BUD13: variants seen among roughly 807,000 people sequenced by gnomAD.
BUD13 encodes BUD13 homolog.
A neutral mutation model predicts 62.5 loss-of-function variants in BUD13; 47 were observed. That is an observed-to-expected ratio of 0.75 (90% confidence interval 0.60 to 0.96). The LOEUF is 0.96. BUD13 is among the 40% of genes least tolerant of loss of function. The probability of loss-of-function intolerance (pLI) is 0.00; values close to 1 mark genes in which losing one functional copy is unlikely to be tolerated. For synonymous variants in BUD13, 293 were observed against 280.1 expected (o/e 1.05, Z -0.46); for missense variants, 821 against 790.9 (o/e 1.04, Z -0.46).
intron 5 of BUD13, 51 bp downstream of exon 5, chr11:116,760,684 G>A: frequency 6.4e-7 from 1 of 1,554,354 alleles, no homozygotes; most frequent in Non-Finnish European, 8.9e-7. Context: ...ATATAAAGCT[G>A]AGAGAGAAGA....
rs199663593 is a variant in BUD13, at chr11:116,762,640, T to C, written c.949A>G (p.Lys317Glu). Residue 317 changes from lysine (K) to glutamate (E), a missense_variant, in exon 4 of 10, where the codon AAA becomes GAA. This residue lies in a region of BUD13 where 800 missense variants were observed against 739.2 expected (regional missense o/e 1.08). Coordinates refer to ENST00000260210, the MANE Select transcript of BUD13 (RefSeq NM_032725.4). ...GAGATGTCAGGGTCATACTCATATT[T>C]GCTGTTCTTTGGGAATGACAAATGG... ...ASHLSFPKNS[K>E]YEYDPDISPP... is the part of the protein sequence containing the mutation. 6.2e-7 allele frequency: 1 copy of C among 1,614,214 alleles called. No individual in the cohort carries two copies. The highest frequency in any genetic ancestry group is 2.2e-5 in the East Asian group (1 of 44,872).
rs1241750224 is a variant in BUD13 at position 116,758,018 on chromosome 11, C to A, written c.1500-68G>T. The A allele has an allele frequency of 2.5e-6, 4 of 1,568,826 alleles. 1 individual carries two copies. In the African/African-American group the frequency reaches 5.4e-5, roughly 21 times the overall value. Reference sequence around the variant, plus strand: ...ATTTCCACTTCTACACGAGATGGACCATACTGCTAAGTTTGGACAATCTCC... The same window carrying A: ...ATTTCCACTTCTACACGAGATGGACAATACTGCTAAGTTTGGACAATCTCC... On this transcript the variant is annotated intron_variant, in intron 7 of 9. Transcript: ENST00000260210.
intron 1 of BUD13, among the ~76,000 whole-genome samples, chr11:116,771,450 T>G (rs1940628158): frequency 6.6e-6 from 1 of 152,204 alleles, no homozygotes; most frequent in South Asian, 2.1e-4. Flanking sequence ...ATGACTGCCA[T>G]GATGTGAAGT....
rs1439898341 is a variant in BUD13, at chr11:116,748,217, A to T, written c.*265T>A. 13 of 372,024 alleles carry T rather than the reference A, an allele frequency of 3.5e-5. No homozygotes were observed. The highest frequency in any genetic ancestry group is 5.8e-5 in the Non-Finnish European group (12 of 207,620). The allele number at this position is 372,024 out of a possible 1,614,324, so 23.0% of individuals were successfully genotyped here. ...TGTTTATTTAAAAAAGAAAAAGAAA[A>T]ACCCTACCAAGAACAAACCCTGGTC... On this transcript the variant is annotated 3_prime_UTR_variant, in exon 10 of 10. Transcript: ENST00000260210.
intron 9 of BUD13, among the ~76,000 whole-genome samples, chr11:116,756,352 G>T (rs748435971): frequency 6.6e-6 from 1 of 151,828 alleles, no homozygotes; most frequent in Admixed American, 6.6e-5. Context: ...CTCTATTAAA[G>T]ATACAAAAAA....
intron 9 of BUD13, among the ~76,000 whole-genome samples, chr11:116,753,637 T>C (rs879841377): frequency 1.3e-5 from 2 of 152,212 alleles, no homozygotes; most frequent in African/African-American, 4.8e-5. Context: ...AAGAAAAAGC[T>C]GTCAATAGAA....
chr11:116,765,481 C>A lies in BUD13; in HGVS notation c.238-35G>T, dbSNP rs777233323. 13 of 1,607,520 alleles carry A rather than the reference C, an allele frequency of 8.1e-6. No homozygotes were observed. In the African/African-American group the frequency reaches 1.1e-4, roughly 13 times the overall value. ...TAAAGATTTCCTATCTTAGGAAATCCACAGGATCCAGCCAAGAAGCACTGT... is the reference window on the plus strand; with the variant it reads ...TAAAGATTTCCTATCTTAGGAAATCAACAGGATCCAGCCAAGAAGCACTGT... On this transcript the variant is annotated intron_variant, in intron 2 of 9. Coordinates refer to ENST00000260210, the MANE Select transcript of BUD13 (RefSeq NM_032725.4).
chr11:116,757,347 G>A, intron 8 of BUD13, 120 bp from the exon 9 acceptor site: 1 of 872,426 alleles, frequency 1.1e-6, no homozygotes. Context: ...CCAGGCTGGA[G>A]TACAGTGGCA....
chr11:116,748,503 T>C lies in BUD13; in HGVS notation c.1839A>G (p.Lys613=). 1.2e-6 allele frequency: 2 copies of C among 1,614,234 alleles called. No individual in the cohort carries two copies. The highest frequency in any genetic ancestry group is 2.2e-5 in the East Asian group (1 of 44,888). The change falls in exon 10 of 10, where the codon AAA becomes AAG. Residue 613 remains lysine (K), a synonymous_variant. Coordinates refer to ENST00000260210, the MANE Select transcript of BUD13 (RefSeq NM_032725.4). ...AAAGTTACATATCCTCAACACTCCATTTGTAGGCAAGTTCCTCCACTGCCT... is the reference window on the plus strand; with the variant it reads ...AAAGTTACATATCCTCAACACTCCACTTGTAGGCAAGTTCCTCCACTGCCT... ...SKKAVEELAY[K]WSVEDM
chr11:116,752,416 T>A (rs1361987713), intron 9 of BUD13, among the ~76,000 whole-genome samples: 3 of 151,000 alleles, frequency 2.0e-5, no homozygotes, highest in Non-Finnish European at 4.4e-5. Context: ...CAAAGGGAAA[T>A]AAGAGAAGAA....
At chr11:116,759,016 A>AT (rs1478342432) in intron 6 of BUD13, 58 bp downstream of exon 6, 24 of 1,112,298 alleles carry the variant, frequency 2.2e-5, no homozygotes, top group Middle Eastern at 4.1e-4. Context: ...AATAAGCTAA[A>AT]TTAAAAAAAA....
rs1258525942 is a variant in BUD13 at position 116,757,464 on chromosome 11, T to C, written c.1685-237A>G. Among the ~76,000 whole-genome samples the C allele has an allele frequency of 3.3e-5, 4 of 120,938 alleles. No homozygotes were observed. The East Asian group carries it at 7.8e-4, about 24-fold the overall frequency. The allele number at this position is 120,938 out of a possible 152,430, so 79.3% of individuals were successfully genotyped here. A position where few individuals can be genotyped will look rare whatever the true frequency, so the allele number is the denominator to read the frequency against. ...GCGTGCACCACCATGACCGGCTATT[T>C]TTTTTTTTTTTTTGTATTTTTAGTA... On this transcript the variant is annotated intron_variant, in intron 8 of 9. Coordinates refer to ENST00000260210, the MANE Select transcript of BUD13 (RefSeq NM_032725.4).
chr11:116,757,113 C>A, intron 9 of BUD13, 33 bp downstream of exon 9: 2 of 1,597,814 alleles, frequency 1.3e-6, no homozygotes, highest in South Asian at 2.2e-5. Flanking sequence ...AGGTTACAGT[C>A]AGGTAGAAAA....
At chr11:116,752,832 T>C (rs2134171630) in intron 9 of BUD13, among the ~76,000 whole-genome samples, 1 of 152,318 alleles carries the variant, frequency 6.6e-6, no homozygotes, top group African/African-American at 2.4e-5. Flanking sequence ...GGTCTCACTA[T>C]GTTGCCTAGC....
chr11:116,757,114 A>T, intron 9 of BUD13, 32 bp downstream of exon 9: 1 of 1,597,452 alleles, frequency 6.3e-7, no homozygotes, highest in Non-Finnish European at 8.6e-7. Context: ...GGTTACAGTC[A>T]GGTAGAAAAT....
At chr11:116,771,921 C>T (rs1940636942) in intron 1 of BUD13, among the ~76,000 whole-genome samples, 1 of 152,226 alleles carries the variant, frequency 6.6e-6, no homozygotes, top group Non-Finnish European at 1.5e-5. Context: ...AGGCCATCCT[C>T]CCTGGAAAGT....
chr11:116,748,384 GT>G lies in BUD13; in HGVS notation c.*97del. On this transcript the variant is annotated 3_prime_UTR_variant, in exon 10 of 10. Transcript: ENST00000260210. ...GGCATTCAACAAGTTGCTGGTCTGT[GT>G]GGGCTCCAATTATTAGCACAGACAA... 9.2e-7 allele frequency: 1 copy of G among 1,085,918 alleles called. No individual in the cohort carries two copies. Among genetic ancestry groups the G allele is most frequent in the South Asian group, 1.3e-5 (1 of 74,112 alleles). 67.3% of individuals were successfully genotyped at this position (1,085,918 alleles called of 1,614,324 possible). A position where few individuals can be genotyped will look rare whatever the true frequency, so the allele number is the denominator to read the frequency against.
chr11:116,760,486 T>C (rs1322732491), intron 5 of BUD13, among the ~76,000 whole-genome samples: 1 of 152,244 alleles, frequency 6.6e-6, no homozygotes, highest in East Asian at 1.9e-4. Context: ...CCTGTTAAAA[T>C]GAGATTGTAG....
chr11:116,748,959 T>G (rs1302772212), intron 9 of BUD13, among the ~76,000 whole-genome samples: 86 of 122,870 alleles, frequency 7.0e-4, no homozygotes, highest in African/African-American at 2.7e-3. Context: ...CACTCCAGCC[T>G]GGGTGACAGA....
Sources: gnomAD v4.1 joint callset for allele counts (sites outside exome capture counted in the v4.1 genomes callset) on GRCh38, gnomAD v4.1.1 for gene constraint, gnomAD v4.1.1 regional missense constraint, MANE v1.5 for transcripts, NCBI Gene and HGNC (gene_info 2026-07-23, HGNC 2026-07-21) for gene names.